OLFML1: variants seen among roughly 807,000 people sequenced by gnomAD.
OLFML1 encodes olfactomedin-like protein 1.
In OLFML1, 33 loss-of-function variants were observed where a neutral mutation model predicts 37.3. The ratio of observed to expected loss-of-function variants is 0.88; its 90% CI spans 0.67 to 1.18. OLFML1 has a LOEUF of 1.18. Among genes scored for constraint, OLFML1 ranks in the 50% most tolerant of loss-of-function variants. OLFML1 has a pLI of 0.00. For missense variants in OLFML1, 545 were observed against 483.7 expected (o/e 1.13, Z -1.19); for synonymous variants, 186 against 181.3 (o/e 1.03, Z -0.21).
chr11:7,497,161 CTCCAAATAGGTTTTGTT>C (rs1295097107), intron 2 of OLFML1, among the ~76,000 whole-genome samples: 5 of 152,044 alleles, frequency 3.3e-5, no homozygotes, highest in Non-Finnish European at 5.9e-5. Flanking sequence ...TTATTCAGGC[CTCCAAATAGGTTTTGTT>C]GAGGTTGGTT....
At position 7,509,551 on chromosome 11, in the gene OLFML1, A is replaced by C; in HGVS notation, c.572A>C (p.Asn191Thr). The change falls in exon 3 of 3, where the codon AAC (asparagine) becomes ACC (threonine). Residue 191 changes from asparagine to threonine, a missense_variant. By Grantham distance (65) the Asn-to-Thr change is moderately conservative. Coordinates refer to ENST00000329293, the MANE Select transcript of OLFML1 (RefSeq NM_198474.4). ...SRNNTVWEFA[N>T]IRAFMEDNTK... ...AACAACACTGTTTGGGAATTTGCAA[A>C]CATACGGGCATTCATGGAGGATAAC... is the stretch of plus-strand genomic sequence containing the variant. The C allele has an allele frequency of 6.2e-7, 1 of 1,614,236 alleles. No individual in the cohort carries two copies. Among genetic ancestry groups the C allele is most frequent in the Non-Finnish European group, 8.5e-7 (1 of 1,180,040 alleles).
At chr11:7,493,897 G>C (rs1272115851) in intron 2 of OLFML1, among the ~76,000 whole-genome samples, 1 of 152,128 alleles carries the variant, frequency 6.6e-6, no homozygotes, top group Non-Finnish European at 1.5e-5. Flanking sequence ...GTTGGACAGG[G>C]TAACATTCTT....
intron 2 of OLFML1, among the ~76,000 whole-genome samples, chr11:7,501,305 G>A (rs1187268443): frequency 6.6e-6 from 1 of 152,214 alleles, no homozygotes; most frequent in Non-Finnish European, 1.5e-5. Flanking sequence ...GGGTCCTTCT[G>A]TTAGCGGCTC....
chr11:7,488,083 T>A (rs762931994), intron 1 of OLFML1, 44 bp from the exon 2 acceptor site: 1 of 1,442,000 alleles, frequency 6.9e-7, no homozygotes, highest in Non-Finnish European at 9.6e-7. Flanking sequence ...TTTGGGTAAT[T>A]TAAATAACAA....
chr11:7,510,304 A>G lies in OLFML1; in HGVS notation c.*116A>G, dbSNP rs373449486. The G allele has an allele frequency of 6.1e-6, 5 of 826,102 alleles. No homozygotes were observed. Among genetic ancestry groups the G allele is most frequent in the Admixed American group, 2.9e-5 (1 of 34,664 alleles). The allele number at this position is 826,102 out of a possible 1,614,324, so 51.2% of individuals were successfully genotyped here. On this transcript the variant is annotated 3_prime_UTR_variant, in exon 3 of 3. Transcript: ENST00000329293. ...CTAATCACACACAGGAAGAGTGTGT[A>G]GAAGTGGAAATACGTATGCCTCCTT...
chr11:7,508,248 C>T (rs895450066), intron 2 of OLFML1, among the ~76,000 whole-genome samples: 2 of 152,116 alleles, frequency 1.3e-5, no homozygotes, highest in Admixed American at 6.5e-5. Context: ...AGAAGAGAAT[C>T]CACATTTTAA....
intron 2 of OLFML1, among the ~76,000 whole-genome samples, chr11:7,494,646 A>C (rs1039938790): frequency 6.6e-6 from 1 of 152,120 alleles, no homozygotes; most frequent in Non-Finnish European, 1.5e-5. Context: ...GGCTCAGAGG[A>C]GGTGCATTCT....
At chr11:7,501,076 A>G (rs1251273646) in intron 2 of OLFML1, among the ~76,000 whole-genome samples, 2 of 150,052 alleles carry the variant, frequency 1.3e-5, no homozygotes, top group Admixed American at 1.3e-4. Context: ...TTACCCCATA[A>G]AAGTCCTCTA....
chr11:7,499,978 C>A (rs1848702188), intron 2 of OLFML1, among the ~76,000 whole-genome samples: 1 of 152,168 alleles, frequency 6.6e-6, no homozygotes, highest in Non-Finnish European at 1.5e-5. Context: ...ATAGCCTCAA[C>A]CTCCCAGGCT....
At position 7,485,559 on chromosome 11, in the gene OLFML1, AC is replaced by A. The variant is rs987766527; in HGVS notation, c.-315del. 3 of 259,898 alleles carry A rather than the reference AC, an allele frequency of 1.2e-5. No individual in the cohort carries two copies. Among genetic ancestry groups the A allele is most frequent in the Non-Finnish European group, 2.2e-5 (3 of 135,948 alleles). The allele number at this position is 259,898 out of a possible 1,614,324, so 16.1% of individuals were successfully genotyped here. Reference sequence around the variant, plus strand: ...CAATTAAGCCAGGAAGCAGCTTGCAACCACTAGCCTGGGGAGGGTCCGCATG... The same window carrying A: ...CAATTAAGCCAGGAAGCAGCTTGCAACACTAGCCTGGGGAGGGTCCGCATG... On this transcript the variant is annotated 5_prime_UTR_variant, in exon 1 of 3. It removes the in-frame stop codon of an upstream open reading frame in the 5' UTR. Transcript: ENST00000329293.
rs373186661 is a variant in OLFML1 at position 7,494,830 on chromosome 11, T to C, written c.418+6415T>C. Among the ~76,000 whole-genome samples, 3 of 152,332 alleles carry C rather than the reference T, an allele frequency of 2.0e-5. No homozygotes were observed. The East Asian group carries it at 5.8e-4, about 29-fold the overall frequency. On this transcript the variant is annotated intron_variant, in intron 2 of 2. Coordinates refer to ENST00000329293, the MANE Select transcript of OLFML1 (RefSeq NM_198474.4). ...GTTCTAGCTGTTCCTGATCTTATCA[T>C]GGGTCACAGTATGAAGACCATGTTA...
In OLFML1 at chr11:7,495,446, A is replaced by C. The variant is rs1848650493; in HGVS notation, c.418+7031A>C. ...ACTCACGAATTAAATAAAAACTATG[A>C]ATATGGTATCCGCTATATGTGTTGT... is the stretch of plus-strand genomic sequence containing the variant. On this transcript the variant is annotated intron_variant, in intron 2 of 2. Transcript: ENST00000329293. 2.6e-5 allele frequency among the ~76,000 whole-genome samples: 4 copies of C among 152,180 alleles called. No homozygotes were observed. In the South Asian group the frequency reaches 8.3e-4, roughly 32 times the overall value.
intron 2 of OLFML1, among the ~76,000 whole-genome samples, chr11:7,493,522 G>A (rs1431888147): frequency 6.6e-6 from 1 of 152,236 alleles, no homozygotes; most frequent in Admixed American, 6.5e-5. Flanking sequence ...GTGTGTGCAC[G>A]TGTGTGTACG....
Position 7,488,304 on chromosome 11 carries a change from C to A in OLFML1, c.307C>A (p.Gln103Lys), listed in dbSNP as rs754004295. The change falls in exon 2 of 3, where the codon CAA becomes AAA. Residue 103 changes from glutamine to lysine, a missense_variant. Physicochemically the swap from Gln to Lys is moderately conservative, Grantham distance 53 (BLOSUM62 1). Transcript: ENST00000329293. The part of the protein sequence containing the change: ...ERAQREIDYI[Q>K]YLREADECIE... ...TGCCCAACGGGAGATTGACTACATA[C>A]AATACCTTCGAGAGGCTGACGAGTG... is the stretch of plus-strand genomic sequence containing the variant. 1.1e-5 allele frequency: 17 copies of A among 1,614,084 alleles called. No homozygotes were observed. Among genetic ancestry groups the A allele is most frequent in the Middle Eastern group, 1.7e-4 (1 of 6,060 alleles).
At chr11:7,493,228 A>G (rs1217012271) in intron 2 of OLFML1, among the ~76,000 whole-genome samples, 1 of 152,224 alleles carries the variant, frequency 6.6e-6, no homozygotes, top group Non-Finnish European at 1.5e-5. Flanking sequence ...TTGTTAGATC[A>G]CGTTTCAAAT....
rs771549634 is a variant in OLFML1 at position 7,488,346 on chromosome 11, A to G, written c.349A>G (p.Lys117Glu). The G allele has an allele frequency of 6.2e-7, 1 of 1,614,124 alleles. No homozygotes were observed. The highest frequency in any genetic ancestry group is 2.2e-5 in the East Asian group (1 of 44,880). The change falls in exon 2 of 3, where the codon AAG becomes GAG. Residue 117 changes from lysine to glutamate, a missense_variant. Lys to Glu is a moderately conservative substitution (Grantham distance 56, BLOSUM62 1). Coordinates refer to ENST00000329293, the MANE Select transcript of OLFML1 (RefSeq NM_198474.4). The stretch of plus-strand genomic sequence containing the variant: ...TGACGAGTGCATCGAATCAGAGGAC[A>G]AGACACTGGCAGAAATGTTGCTCCA... The part of the protein sequence containing the change: ...EADECIESED[K>E]TLAEMLLQEA...
At position 7,488,349 on chromosome 11, in the gene OLFML1, A is replaced by G; in HGVS notation, c.352A>G (p.Thr118Ala). 1 of 1,614,100 alleles carries G rather than the reference A, an allele frequency of 6.2e-7. No homozygotes were observed. The highest frequency in any genetic ancestry group is 8.5e-7 in the Non-Finnish European group (1 of 1,179,970). Residue 118 changes from threonine to alanine, a missense_variant, in exon 2 of 3, where the codon ACA becomes GCA. By Grantham distance (58) the Thr-to-Ala change is moderately conservative. Coordinates refer to ENST00000329293, the MANE Select transcript of OLFML1 (RefSeq NM_198474.4). ...ADECIESEDK[T>A]LAEMLLQEAE... ...CGAGTGCATCGAATCAGAGGACAAG[A>G]CACTGGCAGAAATGTTGCTCCAAGA...
At chr11:7,488,900 T>C (rs1848562249) in intron 2 of OLFML1, 1 of 154,342 alleles carries the variant, frequency 6.5e-6, no homozygotes, top group Non-Finnish European at 1.4e-5. Context: ...GATGGTGATA[T>C]GCATGGGATG....
At chr11:7,506,932 C>T (rs1006371197) in intron 2 of OLFML1, among the ~76,000 whole-genome samples, 2 of 152,070 alleles carry the variant, frequency 1.3e-5, no homozygotes, top group Admixed American at 6.5e-5. Context: ...TTGGAGTTTT[C>T]GATTTCAGAT....
Sources: gnomAD v4.1 joint callset for allele counts (sites outside exome capture counted in the v4.1 genomes callset) on GRCh38, gnomAD v4.1.1 for gene constraint, MANE v1.5 for transcripts, NCBI Gene and HGNC (gene_info 2026-07-23, HGNC 2026-07-21) for gene names.